Variants in DYRK1A observed in about 807,000 individuals in gnomAD.
DYRK1A encodes the protein dual specificity tyrosine-phosphorylation-regulated kinase 1A.
DYRK1A carries 9 observed loss-of-function variants against 79.7 expected under a neutral mutation model. The ratio of observed to expected loss-of-function variants is 0.11; its 90% CI spans 0.07 to 0.20. The LOEUF (loss-of-function observed/expected upper bound fraction) is 0.20. Ranked by LOEUF, DYRK1A falls within the 10% of genes least tolerant of loss-of-function variation. The pLI, the probability that DYRK1A is intolerant of heterozygous loss-of-function variation, is 1.00. For missense variants in DYRK1A, 622 were observed against 956.0 expected (o/e 0.65, Z 4.61); for synonymous variants, 349 against 329.7 (o/e 1.06, Z -0.63).
chr21:37,452,424 G>A (rs762797008), intron 2 of DYRK1A, among the ~76,000 whole-genome samples: 2 of 152,158 alleles, frequency 1.3e-5, no homozygotes, highest in African/African-American at 2.4e-5. Context: ...TTGAGTGGAT[G>A]GATGGGTGGA....
chr21:37,448,962 T>C (rs958898385), intron 2 of DYRK1A, among the ~76,000 whole-genome samples: 4 of 152,180 alleles, frequency 2.6e-5, no homozygotes, highest in Non-Finnish European at 5.9e-5. Flanking sequence ...CCTCCCAAAA[T>C]GTTGGGATTA....
chr21:37,511,779 A>G (rs539040851), intron 11 of DYRK1A, 132 bp from the exon 12 acceptor site: 3 of 1,074,310 alleles, frequency 2.8e-6, no homozygotes, highest in South Asian at 3.4e-5. Flanking sequence ...CTGTCTTAAC[A>G]CATTAAAAGT....
At chr21:37,495,580 C>T (rs775604468) in intron 8 of DYRK1A, among the ~76,000 whole-genome samples, 2 of 151,850 alleles carry the variant, frequency 1.3e-5, no homozygotes, top group Non-Finnish European at 2.9e-5. Context: ...TGCAGTGAGC[C>T]GAGATTGCGC....
At chr21:37,392,610 C>T (rs540688951) in intron 1 of DYRK1A, among the ~76,000 whole-genome samples, 1 of 152,272 alleles carries the variant, frequency 6.6e-6, no homozygotes, top group Admixed American at 6.5e-5. Flanking sequence ...AAGGGCAGGG[C>T]AACTTCCTTT....
intron 2 of DYRK1A, among the ~76,000 whole-genome samples, chr21:37,472,267 G>A (rs1472321447): frequency 2.0e-5 from 3 of 152,216 alleles, no homozygotes; most frequent in African/African-American, 7.2e-5. Context: ...CGTAAACCTG[G>A]CAGCAGGTGC....
intron 1 of DYRK1A, among the ~76,000 whole-genome samples, chr21:37,379,936 C>T (rs1206177860): frequency 1.3e-5 from 2 of 152,214 alleles, no homozygotes; most frequent in East Asian, 1.9e-4. Context: ...ACTCCTGTCC[C>T]TGCTATCACG....
At chr21:37,418,788 C>G (rs189628760) in intron 1 of DYRK1A, 20 of 152,226 alleles carry the variant, frequency 1.3e-4, no homozygotes, top group African/African-American at 4.8e-4. Flanking sequence ...ATGATACCAG[C>G]TAGTTGTAGG....
At chr21:37,465,519 G>T (rs2051996072) in intron 2 of DYRK1A, among the ~76,000 whole-genome samples, 1 of 152,136 alleles carries the variant, frequency 6.6e-6, no homozygotes, top group Non-Finnish European at 1.5e-5. Flanking sequence ...AATAGTATTG[G>T]CATCATCTGA....
intron 1 of DYRK1A, among the ~76,000 whole-genome samples, chr21:37,409,751 T>G (rs1011020483): frequency 2.6e-5 from 4 of 152,190 alleles, no homozygotes; most frequent in African/African-American, 9.7e-5. Flanking sequence ...AAATGCTTTC[T>G]TCGAGTGTTT....
chr21:37,443,556 TC>T (rs1344640007), intron 2 of DYRK1A, among the ~76,000 whole-genome samples: 1 of 152,224 alleles, frequency 6.6e-6, no homozygotes. Flanking sequence ...AATAGTTTGA[TC>T]TTTGAGTCTT....
At chr21:37,376,224 T>C (rs1380702966) in intron 1 of DYRK1A, among the ~76,000 whole-genome samples, 1 of 152,056 alleles carries the variant, frequency 6.6e-6, no homozygotes, top group African/African-American at 2.4e-5. Flanking sequence ...GAAGGGTATG[T>C]TTAGGCCAGG....
chr21:37,485,332 CCA>C (rs2148597124), intron 5 of DYRK1A, among the ~76,000 whole-genome samples: 1 of 152,238 alleles, frequency 6.6e-6, no homozygotes, highest in South Asian at 2.1e-4. Context: ...AACCCCTTGG[CCA>C]CATGTTTACA....
At chr21:37,471,862 G>GGTTTTA (rs1169103253) in intron 2 of DYRK1A, among the ~76,000 whole-genome samples, 1 of 152,114 alleles carries the variant, frequency 6.6e-6, no homozygotes, top group Non-Finnish European at 1.5e-5. Context: ...TGTTGACCAA[G>GGTTTTA]GTTTTAGGCT....
rs73400110 is a variant in DYRK1A at position 37,462,802 on chromosome 21, G to T, written c.11-9882G>T. On this transcript the variant is annotated intron_variant, in intron 2 of 11. Transcript: ENST00000647188. ...AGTGCCTCTAGATAGGAAACCAGGG[G>T]GATTGTAGGGCTCACCAAGAGTGAT... Among the ~76,000 whole-genome samples, 702 of 152,198 alleles carry T rather than the reference G, an allele frequency of 4.6e-3. 4 individuals are homozygous for T. Among genetic ancestry groups the T allele is most frequent in the African/African-American group, 0.016 (658 of 41,514 alleles).
intron 7 of DYRK1A, among the ~76,000 whole-genome samples, chr21:37,492,813 T>C (rs749610459): frequency 6.6e-5 from 10 of 152,144 alleles, no homozygotes; most frequent in East Asian, 1.9e-4. Context: ...TTACGTATTA[T>C]GCATTTCACA....
At chr21:37,454,178 G>C (rs538384155) in intron 2 of DYRK1A, among the ~76,000 whole-genome samples, 13 of 138,566 alleles carry the variant, frequency 9.4e-5, no homozygotes, top group Non-Finnish European at 2.0e-4. Flanking sequence ...CTGCAGCCTC[G>C]ACCTCCTGGG....
At chr21:37,502,382 T>G (rs1349764058) in intron 9 of DYRK1A, 1 of 152,074 alleles carries the variant, frequency 6.6e-6, no homozygotes, top group Non-Finnish European at 1.5e-5. Flanking sequence ...CTTTTTGGCA[T>G]TTTATTTTAT....
At chr21:37,397,062 A>G (rs2049970812) in intron 1 of DYRK1A, among the ~76,000 whole-genome samples, 1 of 152,138 alleles carries the variant, frequency 6.6e-6, no homozygotes, top group South Asian at 2.1e-4. Context: ...AGGTGCAGAG[A>G]CAGAATAGAA....
chr21:37,491,926 G>A (rs928470410), intron 7 of DYRK1A, among the ~76,000 whole-genome samples: 2 of 152,152 alleles, frequency 1.3e-5, no homozygotes, highest in African/African-American at 4.8e-5. Flanking sequence ...TTCTAAAATA[G>A]ACCTGCAGTG....
Sources: gnomAD v4.1 joint callset for allele counts (sites outside exome capture counted in the v4.1 genomes callset) on GRCh38, gnomAD v4.1.1 for gene constraint, MANE v1.5 for transcripts, NCBI Gene and HGNC (gene_info 2026-07-23, HGNC 2026-07-21) for gene names.